ZBTB46: variants seen among roughly 807,000 people sequenced by gnomAD.
The protein encoded by ZBTB46 is zinc finger and BTB domain containing 46.
A neutral mutation model predicts 44.1 loss-of-function variants in ZBTB46; 8 were observed. That is an observed-to-expected ratio of 0.18 (90% CI 0.11 to 0.33). The LOEUF (loss-of-function observed/expected upper bound fraction) is 0.33. ZBTB46 is among the 10% of genes least tolerant of loss of function. ZBTB46 has a pLI of 1.00. For missense variants in ZBTB46, 651 were observed against 847.7 expected (o/e 0.77, Z 2.88); for synonymous variants, 409 against 382.3 (o/e 1.07, Z -0.81).
rs145288343 is a variant in ZBTB46 at position 63,820,289 on chromosome 20, C to T, written c.-34+10808G>A. On this transcript the variant is annotated intron_variant, in intron 1 of 4. Transcript: ENST00000245663. ...TGTTTTTTTGTATTTTTAATAGAGA[C>T]GGGGTTCCACTATGTTAGCCAGGAT... 2.1e-4 allele frequency among the ~76,000 whole-genome samples: 32 copies of T among 152,054 alleles called. 2 individuals are homozygous for T. In the East Asian group the frequency reaches 4.3e-3, roughly 20 times the overall value.
At chr20:63,828,520 G>A (rs779836726) in intron 1 of ZBTB46, among the ~76,000 whole-genome samples, 1 of 152,018 alleles carries the variant, frequency 6.6e-6, no homozygotes, top group African/African-American at 2.4e-5. Flanking sequence ...AAATCTGCTA[G>A]AAAAACCAGT....
At chr20:63,812,684 C>T (rs539531107) in intron 1 of ZBTB46, among the ~76,000 whole-genome samples, 28 of 152,218 alleles carry the variant, frequency 1.8e-4, no homozygotes, top group African/African-American at 4.3e-4. Flanking sequence ...GAGGCTGAGG[C>T]GGGAGAATCA....
chr20:63,788,175 C>A, intron 2 of ZBTB46: 1 of 152,366 alleles, frequency 6.6e-6, no homozygotes. Context: ...GGCAGCAGTG[C>A]AATCACGGCT....
upstream of ZBTB46, among the ~76,000 whole-genome samples, chr20:63,831,987 C>T (rs1192664032): frequency 6.6e-6 from 1 of 152,042 alleles, no homozygotes; most frequent in Non-Finnish European, 1.5e-5. Context: ...CGGCGCACCT[C>T]GGGCGCAGGC....
At chr20:63,821,833 A>G (rs2092794011) in intron 1 of ZBTB46, among the ~76,000 whole-genome samples, 1 of 152,154 alleles carries the variant, frequency 6.6e-6, no homozygotes, top group African/African-American at 2.4e-5. Context: ...TTCACTTTGG[A>G]AAAAAACAAC....
At chr20:63,788,920 C>G (rs546705629) in intron 2 of ZBTB46, among the ~76,000 whole-genome samples, 37 of 150,356 alleles carry the variant, frequency 2.5e-4, no homozygotes, top group African/African-American at 7.8e-4. Flanking sequence ...ACCACAACCT[C>G]CGCCTCCCAG....
At chr20:63,815,230 A>C (rs905158196) in intron 1 of ZBTB46, 4 of 239,932 alleles carry the variant, frequency 1.7e-5, no homozygotes, top group African/African-American at 9.5e-5. Flanking sequence ...AAGTGCAGTG[A>C]GTGCAATGGG....
intron 1 of ZBTB46, among the ~76,000 whole-genome samples, chr20:63,795,863 T>C (rs1162030663): frequency 1.3e-5 from 2 of 152,194 alleles, no homozygotes; most frequent in Non-Finnish European, 2.9e-5. Context: ...TCTAGGGCCA[T>C]CTTGGAAGTG....
chr20:63,805,697 G>C (rs1324498859), intron 1 of ZBTB46, among the ~76,000 whole-genome samples: 1 of 152,094 alleles, frequency 6.6e-6, no homozygotes. Context: ...TGCCCAGCAG[G>C]TGGTACTTTC....
chr20:63,829,094 G>A (rs1330043832), intron 1 of ZBTB46, among the ~76,000 whole-genome samples: 1 of 152,198 alleles, frequency 6.6e-6, no homozygotes, highest in African/African-American at 2.4e-5. Flanking sequence ...TAAATCCTTG[G>A]AGCAGTTTCA....
At position 63,803,717 on chromosome 20, in the gene ZBTB46, T is replaced by C. The variant is rs1308395635; in HGVS notation, c.-33-12927A>G. Reference sequence around the variant, plus strand: ...ACCTGGCTACCGTCACTTCCTTCTTTTTGTTTTTGTAATGGGGTCTCACTC... The same window carrying C: ...ACCTGGCTACCGTCACTTCCTTCTTCTTGTTTTTGTAATGGGGTCTCACTC... On this transcript the variant is annotated intron_variant, in intron 1 of 4. Coordinates refer to ENST00000245663, the MANE Select transcript of ZBTB46 (RefSeq NM_001369741.1). The surrounding 1 kb of genome is among the most constrained non-coding windows in gnomAD (Gnocchi z 4.0). Among the ~76,000 whole-genome samples, 3 of 152,058 alleles carry C rather than the reference T, an allele frequency of 2.0e-5. No individual in the cohort carries two copies. Among genetic ancestry groups the C allele is most frequent in the Admixed American group, 6.5e-5 (1 of 15,278 alleles).
At position 63,746,714 on chromosome 20, in the gene ZBTB46, C is replaced by T; in HGVS notation, c.*216G>A. ...ACTCAAACCCACCCTGTGCCCTCCC[C>T]CAACTCACTTCATGTCTGGTCCCAG... On this transcript the variant is annotated 3_prime_UTR_variant, in exon 5 of 5. Coordinates refer to ENST00000245663, the MANE Select transcript of ZBTB46 (RefSeq NM_001369741.1). 2 of 688,960 alleles carry T rather than the reference C, an allele frequency of 2.9e-6. No homozygotes were observed. Among genetic ancestry groups the T allele is most frequent in the Non-Finnish European group, 4.4e-6 (2 of 452,932 alleles). The allele number at this position is 688,960 out of a possible 1,614,324, so 42.7% of individuals were successfully genotyped here.
At position 63,751,064 on chromosome 20, in the gene ZBTB46, G is replaced by C. The variant is rs1288468998; in HGVS notation, c.1398+1622C>G. Among the ~76,000 whole-genome samples the C allele has an allele frequency of 7.2e-5, 11 of 152,208 alleles. 1 individual carries two copies. On this transcript the variant is annotated intron_variant, in intron 4 of 4. Coordinates refer to ENST00000245663, the MANE Select transcript of ZBTB46 (RefSeq NM_001369741.1). ...TGTTAAAACGTGTTAGCACCTATCAGTTTAAAAAACAAGATGCGATTTTCT... is the reference window on the plus strand; with the variant it reads ...TGTTAAAACGTGTTAGCACCTATCACTTTAAAAAACAAGATGCGATTTTCT...
At position 63,803,030 on chromosome 20, in the gene ZBTB46, G is replaced by A. The variant is rs752250494; in HGVS notation, c.-33-12240C>T. On this transcript the variant is annotated intron_variant, in intron 1 of 4. Coordinates refer to ENST00000245663, the MANE Select transcript of ZBTB46 (RefSeq NM_001369741.1). This position sits in a 1 kb window ranked among gnomAD's most constrained non-coding sequence, Gnocchi z 4.0. ...CGTTTCTACCACCAAAGAGCGCGAT[G>A]CCACAGACGCCAACAGGAGGAAACA... Among the ~76,000 whole-genome samples the A allele has an allele frequency of 2.6e-5, 4 of 152,160 alleles. No homozygotes were observed. Among genetic ancestry groups the A allele is most frequent in the Non-Finnish European group, 2.9e-5 (2 of 68,036 alleles).
At chr20:63,777,632 A>G (rs549466598) in intron 2 of ZBTB46, among the ~76,000 whole-genome samples, 12 of 152,356 alleles carry the variant, frequency 7.9e-5, no homozygotes, top group African/African-American at 2.2e-4. Flanking sequence ...GCAGTTCCAC[A>G]TGTACGCATG....
rs754187356 is a variant in ZBTB46 at position 63,775,666 on chromosome 20, G to A, written c.1222+12C>T. On this transcript the variant is annotated intron_variant, in intron 3 of 4. Transcript: ENST00000245663. ...ACACCAAAGCCAAGCGGCCCCCAGG[G>A]CCTGCACTTACGGGACAGCGAGTGG... is the stretch of plus-strand genomic sequence containing the variant. The A allele has an allele frequency of 1.9e-5, 29 of 1,550,420 alleles. No homozygotes were observed. The highest frequency in any genetic ancestry group is 2.5e-5 in the Non-Finnish European group (29 of 1,148,300).
chr20:63,831,290 G>GGCCCCCGCC (rs2092850048), upstream of ZBTB46: 1 of 120,582 alleles, frequency 8.3e-6, no homozygotes, highest in South Asian at 2.4e-4. Context: ...CCAACCCCGC[G>GGCCCCCGCC]GCCCCCGCCG....
At chr20:63,814,862 G>A (rs2092739162) in intron 1 of ZBTB46, 1 of 152,544 alleles carries the variant, frequency 6.6e-6, no homozygotes, top group African/African-American at 2.4e-5. Context: ...TGATATTTCA[G>A]TAGTTGCTAC....
chr20:63,818,051 C>T (rs919768446), intron 1 of ZBTB46, among the ~76,000 whole-genome samples: 4 of 152,226 alleles, frequency 2.6e-5, no homozygotes, highest in Non-Finnish European at 2.9e-5. Flanking sequence ...AGAGACTGCA[C>T]GGCACCACGC....
Sources: allele counts gnomAD v4.1 joint callset (sites outside exome capture counted in the v4.1 genomes callset), GRCh38; gene constraint gnomAD v4.1.1; non-coding constraint Gnocchi (gnomAD v3.1); transcripts MANE v1.5; gene names NCBI Gene and HGNC (gene_info 2026-07-23, HGNC 2026-07-21).